The following THOC2 variants were observed in gnomAD, a reference collection of about 807,000 sequenced individuals.
The protein encoded by THOC2 is THO complex 2.
THOC2 carries 10 observed loss-of-function variants against 128.4 expected under a neutral mutation model. The observed-to-expected ratio is 0.08, with a 90% CI of 0.05 to 0.13. The LOEUF (loss-of-function observed/expected upper bound fraction) is 0.13, where lower values mean the gene tolerates loss of function less well. Ranked by LOEUF, THOC2 falls within the 10% of genes least tolerant of loss-of-function variation. The pLI is 1.00. For missense variants in THOC2, 535 were observed against 1,155.7 expected, an observed-to-expected ratio of 0.46 and a Z score of 7.79; for synonymous variants, 393 against 396.9, an observed-to-expected ratio of 0.99 and a Z score of 0.12.
chrX:123,713,520 T>C (rs1421803486), intron 1 of THOC2, among the ~76,000 whole-genome samples: 1 of 107,075 alleles, frequency 9.3e-6, no homozygotes, highest in Non-Finnish European at 1.9e-5. Context: ...AAAAAGACTA[T>C]GACACATTAT....
chrX:123,667,000 G>A lies in THOC2; in HGVS notation c.1190+106C>T, dbSNP rs182805442. 2.3e-4 allele frequency: 124 copies of A among 530,791 alleles called. 1 individual carries two copies. In the East Asian group the frequency reaches 4.0e-3, roughly 17 times the overall value. 43.7% of individuals were successfully genotyped at this position (530,791 alleles called of 1,213,427 possible). A position where few individuals can be genotyped will look rare whatever the true frequency, so the allele number is the denominator to read the frequency against. ...GAATAGTTCTTATCTTTTGATAAAAGGTACTAAAATATATGCTTGGTTTGA... is the reference window on the plus strand; with the variant it reads ...GAATAGTTCTTATCTTTTGATAAAAAGTACTAAAATATATGCTTGGTTTGA... On this transcript the variant is annotated intron_variant, in intron 11 of 38. Transcript: ENST00000245838.
At position 123,726,926 on chromosome X, in the gene THOC2, G is replaced by A. The variant is rs192852123; in HGVS notation, c.71+6026C>T. On this transcript the variant is annotated intron_variant, in intron 1 of 38. Transcript: ENST00000245838. ...AAAAGAGGTATTCCTTTGGCTGGGC[G>A]TAGTGGCTCATGCCTGTAATCCCAG... Among the ~76,000 whole-genome samples, 24 of 111,896 alleles carry A rather than the reference G, an allele frequency of 2.1e-4. No individual in the cohort carries two copies. The South Asian group carries it at 3.0e-3, about 14-fold the overall frequency.
At chrX:123,678,267 CTTTTT>C (rs760673764) in intron 8 of THOC2, among the ~76,000 whole-genome samples, 29 of 98,281 alleles carry the variant, frequency 3.0e-4, no homozygotes, top group African/African-American at 1.1e-3. Flanking sequence ...TGTTTTCAAA[CTTTTT>C]TTTTTTTTTT....
chrX:123,607,444 T>TTTA (rs2046516313), intron 38 of THOC2, among the ~76,000 whole-genome samples: 1 of 97,796 alleles, frequency 1.0e-5, no homozygotes, highest in Non-Finnish European at 2.0e-5. Flanking sequence ...CCTAGCTAAG[T>TTTA]TTTATTTATT....
intron 28 of THOC2, 115 bp from the exon 29 acceptor site, chrX:123,623,398 T>TA: frequency 2.5e-6 from 2 of 784,405 alleles, no homozygotes; most frequent in Non-Finnish European, 3.5e-6. Context: ...TCTAGAGAAT[T>TA]AAAAAATACC....
At chrX:123,728,681 G>C (rs972790498) in intron 1 of THOC2, among the ~76,000 whole-genome samples, 1 of 111,122 alleles carries the variant, frequency 9.0e-6, no homozygotes, top group African/African-American at 3.3e-5. Flanking sequence ...ACTTAAATAA[G>C]TTCTAGAATG....
At chrX:123,654,745 C>G (rs753388976) in intron 12 of THOC2, among the ~76,000 whole-genome samples, 135 of 74,905 alleles carry the variant, frequency 1.8e-3, no homozygotes, top group African/African-American at 6.9e-3. Context: ...GGTGACAGAG[C>G]TAGACTCCGT....
At chrX:123,657,520 T>A (rs1217599687) in intron 12 of THOC2, among the ~76,000 whole-genome samples, 2 of 109,137 alleles carry the variant, frequency 1.8e-5, no homozygotes, top group Non-Finnish European at 3.8e-5. Flanking sequence ...AAAGAAAAAA[T>A]CCTAAAAGAT....
At chrX:123,646,238 G>A (rs1320863551) in intron 12 of THOC2, among the ~76,000 whole-genome samples, 2 of 111,941 alleles carry the variant, frequency 1.8e-5, no homozygotes, top group Non-Finnish European at 3.8e-5. Context: ...TCCTGGGTCC[G>A]TATTATATAA....
At chrX:123,642,150 G>A (rs1256949114) in intron 15 of THOC2, among the ~76,000 whole-genome samples, 1 of 112,265 alleles carries the variant, frequency 8.9e-6, no homozygotes, top group African/African-American at 3.2e-5. Flanking sequence ...ATGAAGCCGC[G>A]TGCAGTGGCT....
At chrX:123,615,347 T>C (rs897183093) in intron 33 of THOC2, among the ~76,000 whole-genome samples, 6 of 111,184 alleles carry the variant, frequency 5.4e-5, no homozygotes, top group Non-Finnish European at 1.1e-4. Context: ...TTCAGTTGGC[T>C]CAGAAATACT....
intron 38 of THOC2, among the ~76,000 whole-genome samples, chrX:123,608,301 T>C (rs1305137430): frequency 9.3e-6 from 1 of 107,988 alleles, no homozygotes; most frequent in East Asian, 2.9e-4. Context: ...CTAGGGAGGG[T>C]GAGGCAGGAG....
chrX:123,633,483 A>ACCTC (rs1373874205), intron 20 of THOC2, among the ~76,000 whole-genome samples: 6 of 111,041 alleles, frequency 5.4e-5, no homozygotes, highest in African/African-American at 2.0e-4. Context: ...GCTCACTGCA[A>ACCTC]CCTCCGCCTC....
chrX:123,721,088 G>C (rs750207520), intron 1 of THOC2, among the ~76,000 whole-genome samples: 2 of 111,469 alleles, frequency 1.8e-5, no homozygotes, highest in South Asian at 7.6e-4. Context: ...CAGTAAAAAA[G>C]TTACTTAAAA....
At chrX:123,628,738 G>A (rs1227428443) in intron 22 of THOC2, among the ~76,000 whole-genome samples, 1 of 107,036 alleles carries the variant, frequency 9.3e-6, no homozygotes, top group Admixed American at 9.9e-5. Flanking sequence ...AAAAAAAAAA[G>A]CTGGATCAAC....
intron 1 of THOC2, among the ~76,000 whole-genome samples, chrX:123,730,971 C>T (rs893280718): frequency 8.9e-6 from 1 of 112,211 alleles, no homozygotes; most frequent in Non-Finnish European, 1.9e-5. Flanking sequence ...GTAAAACTGT[C>T]AAAAAACAGT....
At chrX:123,612,620 T>C in intron 36 of THOC2, among the ~76,000 whole-genome samples, 1 of 111,691 alleles carries the variant, frequency 9.0e-6, no homozygotes, top group East Asian at 2.8e-4. Context: ...TACACAATAC[T>C]GTGAATATAC....
At chrX:123,703,366 T>C in intron 4 of THOC2, 88 bp downstream of exon 4, 2 of 602,863 alleles carry the variant, frequency 3.3e-6, no homozygotes, top group South Asian at 7.3e-5. Context: ...GAAACATTTG[T>C]AAAATTCTTA....
chrX:123,693,712 G>T (rs1400521317), intron 7 of THOC2, among the ~76,000 whole-genome samples: 3 of 111,066 alleles, frequency 2.7e-5, no homozygotes, highest in Non-Finnish European at 5.7e-5. Context: ...AGTCCTCACA[G>T]AGCCTACATC....
Sources: allele counts gnomAD v4.1 joint callset (sites outside exome capture counted in the v4.1 genomes callset), GRCh38; gene constraint gnomAD v4.1.1; transcripts MANE v1.5; gene names NCBI Gene and HGNC (gene_info 2026-07-23, HGNC 2026-07-21).